DCLK2: variants seen among roughly 807,000 people sequenced by gnomAD.
DCLK2 encodes doublecortin like kinase 2.
Under a neutral mutation model 78.4 loss-of-function variants are expected in DCLK2, and 31 were observed. That is an observed-to-expected ratio of 0.40 (90% CI 0.30 to 0.53). The LOEUF is 0.53. DCLK2 is among the 20% of genes least tolerant of loss of function. The probability of loss-of-function intolerance (pLI) is 0.61; values close to 1 mark genes in which losing one functional copy is unlikely to be tolerated. For synonymous variants in DCLK2, 407 were observed against 374.9 expected, an observed-to-expected ratio of 1.09 and a Z score of -0.99; for missense variants, 872 against 973.7, an observed-to-expected ratio of 0.90 and a Z score of 1.39.
intron 1 of DCLK2, among the ~76,000 whole-genome samples, chr4:150,097,505 A>C (rs1445870379): frequency 6.6e-6 from 1 of 152,166 alleles, no homozygotes; most frequent in African/African-American, 2.4e-5. Flanking sequence ...CTTGAATAAG[A>C]GGCAGTTCAT....
intron 4 of DCLK2, chr4:150,199,227 C>G (rs556444154): frequency 2.8e-6 from 2 of 716,328 alleles, no homozygotes; most frequent in African/African-American, 3.5e-5. Flanking sequence ...TTGCATTGCA[C>G]AAGACACTTT....
At chr4:150,148,376 C>A (rs982291765) in intron 2 of DCLK2, among the ~76,000 whole-genome samples, 9 of 134,122 alleles carry the variant, frequency 6.7e-5, no homozygotes, top group Non-Finnish European at 3.1e-5. Context: ...AAAGAAAATT[C>A]ATGTCTTTTT....
intron 3 of DCLK2, among the ~76,000 whole-genome samples, chr4:150,196,029 A>T (rs1188490041): frequency 2.6e-5 from 4 of 152,134 alleles, no homozygotes; most frequent in Admixed American, 6.6e-5. Flanking sequence ...TCTCAGACCT[A>T]ATTCTGCCAC....
At chr4:150,134,167 A>G (rs1733529202) in intron 2 of DCLK2, among the ~76,000 whole-genome samples, 1 of 125,184 alleles carries the variant, frequency 8.0e-6, no homozygotes, top group African/African-American at 3.2e-5. Flanking sequence ...TGCAACCTCC[A>G]CCTCCTAGGT....
In DCLK2 at chr4:150,256,263, G is replaced by A; in HGVS notation, c.*16G>A. The A allele has an allele frequency of 6.7e-7, 1 of 1,488,694 alleles. No homozygotes were observed. Among genetic ancestry groups the A allele is most frequent in the Non-Finnish European group, 8.9e-7 (1 of 1,120,984 alleles). 92.2% of individuals were successfully genotyped at this position (1,488,694 alleles called of 1,614,324 possible). The stretch of plus-strand genomic sequence containing the variant: ...CCGAGACTGAGCCTCCTGCAGACGG[G>A]CGAAGCCGCCTGCTGCAGCCCAGGA... On this transcript the variant is annotated 3_prime_UTR_variant, in exon 16 of 16. Transcript: ENST00000296550.
At chr4:150,175,096 A>ATATATTTGTATATATTTG (rs1560835085) in intron 2 of DCLK2, among the ~76,000 whole-genome samples, 1 of 51,016 alleles carries the variant, frequency 2.0e-5, no homozygotes, top group Non-Finnish European at 3.4e-5. Context: ...ATATATATTT[A>ATATATTTGTATATATTTG]TATATATTTA....
chr4:150,203,201 T>C (rs1454551542), intron 4 of DCLK2, among the ~76,000 whole-genome samples: 1 of 152,118 alleles, frequency 6.6e-6, no homozygotes, highest in Non-Finnish European at 1.5e-5. Flanking sequence ...GAATTAGAAA[T>C]AAGTAGTCTA....
intron 3 of DCLK2, 105 bp from the exon 4 acceptor site, chr4:150,197,897 C>A: frequency 1.3e-6 from 1 of 793,530 alleles, no homozygotes; most frequent in Non-Finnish European, 2.0e-6. Flanking sequence ...AACAGTAATA[C>A]CTAATTATCA....
chr4:150,181,873 C>T (rs976022062), intron 2 of DCLK2, among the ~76,000 whole-genome samples: 5 of 152,066 alleles, frequency 3.3e-5, no homozygotes, highest in African/African-American at 1.2e-4. Flanking sequence ...ACAAAGAGGG[C>T]TATTTATGCT....
At chr4:150,141,785 C>G (rs1037174266) in intron 2 of DCLK2, among the ~76,000 whole-genome samples, 2 of 152,124 alleles carry the variant, frequency 1.3e-5, no homozygotes, top group Non-Finnish European at 2.9e-5. Context: ...TTGAAAGATG[C>G]CTTTGAAATA....
chr4:150,082,411 T>C (rs545871409), intron 1 of DCLK2, among the ~76,000 whole-genome samples: 3 of 152,340 alleles, frequency 2.0e-5, no homozygotes, highest in Admixed American at 6.5e-5. Flanking sequence ...CCCAATCTCA[T>C]TGAACTCAGA....
chr4:150,183,895 G>T (rs751760776), intron 2 of DCLK2, among the ~76,000 whole-genome samples: 6 of 151,796 alleles, frequency 4.0e-5, no homozygotes, highest in Non-Finnish European at 8.8e-5. Flanking sequence ...ACCACACCTG[G>T]CTCATTTTTC....
At chr4:150,219,113 A>G (rs1176093215) in intron 5 of DCLK2, among the ~76,000 whole-genome samples, 1 of 151,996 alleles carries the variant, frequency 6.6e-6, no homozygotes, top group Non-Finnish European at 1.5e-5. Context: ...CTGAGGTGGG[A>G]GGATCCCTTG....
intron 2 of DCLK2, among the ~76,000 whole-genome samples, chr4:150,185,560 A>G (rs1737866218): frequency 6.6e-6 from 1 of 152,068 alleles, no homozygotes; most frequent in East Asian, 1.9e-4. Context: ...CTAAAAGTAC[A>G]AGAATTAGCC....
chr4:150,143,210 AGTGTGC>A (rs1207019991), intron 2 of DCLK2, among the ~76,000 whole-genome samples: 1 of 152,134 alleles, frequency 6.6e-6, no homozygotes, highest in Non-Finnish European at 1.5e-5. Context: ...TCAATTCCAT[AGTGTGC>A]GTATTCAATA....
chr4:150,142,833 A>C (rs4292314), intron 2 of DCLK2, among the ~76,000 whole-genome samples: 102,325 of 150,414 alleles, frequency 0.68, 37,480 homozygotes, highest in South Asian at 0.91. Context: ...TTTTAGACTC[A>C]GGAGGAACAT....
chr4:150,086,237 G>T (rs922231806), intron 1 of DCLK2, among the ~76,000 whole-genome samples: 1 of 152,108 alleles, frequency 6.6e-6, no homozygotes, highest in Non-Finnish European at 1.5e-5. Flanking sequence ...TAATAGTTGG[G>T]TATAGGTGGA....
At chr4:150,255,929 C>T in intron 15 of DCLK2, 91 bp from the exon 16 acceptor site, 1 of 1,503,476 alleles carries the variant, frequency 6.7e-7, no homozygotes, top group Non-Finnish European at 8.9e-7. Flanking sequence ...TTTCTGAGGC[C>T]CGTGCATGCT....
At chr4:150,172,480 G>A (rs919319250) in intron 2 of DCLK2, among the ~76,000 whole-genome samples, 1 of 151,634 alleles carries the variant, frequency 6.6e-6, no homozygotes. Context: ...CATGGCGGGC[G>A]CCTGTAGTCT....
Sources: gnomAD v4.1 joint callset for allele counts (sites outside exome capture counted in the v4.1 genomes callset) on GRCh38, gnomAD v4.1.1 for gene constraint, MANE v1.5 for transcripts, NCBI Gene and HGNC (gene_info 2026-07-23, HGNC 2026-07-21) for gene names.